The following TRIT1 variants were observed in gnomAD, a reference collection of about 807,000 sequenced individuals.
TRIT1 encodes tRNA dimethylallyltransferase.
Under a neutral mutation model 51.2 loss-of-function variants are expected in TRIT1, and 43 were observed. The observed-to-expected ratio is 0.84, with a 90% CI of 0.66 to 1.08. TRIT1 has a LOEUF of 1.08. TRIT1 is among the 50% of genes least tolerant of loss of function. The pLI, the probability that TRIT1 is intolerant of heterozygous loss-of-function variation, is 0.00. For synonymous variants in TRIT1, 184 were observed against 203.9 expected, an observed-to-expected ratio of 0.90 and a Z score of 0.83; for missense variants, 528 against 578.4, an observed-to-expected ratio of 0.91 and a Z score of 0.89.
At chr1:39,854,828 G>A (rs751723701) in intron 2 of TRIT1, among the ~76,000 whole-genome samples, 2 of 151,814 alleles carry the variant, frequency 1.3e-5, no homozygotes, top group African/African-American at 2.4e-5. Flanking sequence ...GCTTTAAGGC[G>A]GCCTTTGCTC....
intron 1 of TRIT1, chr1:39,862,909 C>T: frequency 5.1e-6 from 5 of 985,446 alleles, no homozygotes; most frequent in Non-Finnish European, 6.0e-6. Flanking sequence ...TGCTCCATTT[C>T]CCCTTCTCCC....
At chr1:39,852,706 G>C in intron 4 of TRIT1, 25 bp downstream of exon 4, 1 of 1,607,722 alleles carries the variant, frequency 6.2e-7, no homozygotes, top group Non-Finnish European at 8.5e-7. Flanking sequence ...AAGGAATTTG[G>C]GGTCAGCGCG....
At position 39,866,017 on chromosome 1, in the gene TRIT1, G is replaced by GA. The variant is rs1339242163; in HGVS notation, c.175-8601dup. On this transcript the variant is annotated intron_variant, in intron 1 of 10. Transcript: ENST00000316891. ...AGGGAGGAAAGAAAGGGAAGGAAAA[G>GA]AAAAGAAAGAAAAGAAAAGAAAAGA... 8.9e-3 allele frequency among the ~76,000 whole-genome samples: 1,209 copies of GA among 135,680 alleles called. 30 individuals carry two copies. Among genetic ancestry groups the GA allele is most frequent in the African/African-American group, 0.03 (1,141 of 38,222 alleles). The allele number at this position is 135,680 out of a possible 152,430, so 89.0% of individuals were successfully genotyped here. A position where few individuals can be genotyped will look rare whatever the true frequency, so the allele number is the denominator to read the frequency against.
At chr1:39,842,677 T>A (rs1023987685) in intron 10 of TRIT1, among the ~76,000 whole-genome samples, 1 of 152,192 alleles carries the variant, frequency 6.6e-6, no homozygotes, top group Admixed American at 6.5e-5. Flanking sequence ...ATTTTCACTA[T>A]CCTGTTCTTT....
At chr1:39,866,093 A>AAAGGAAGAAAGG in intron 1 of TRIT1, among the ~76,000 whole-genome samples, 1 of 147,546 alleles carries the variant, frequency 6.8e-6, no homozygotes, top group African/African-American at 2.5e-5. Flanking sequence ...AGGAAAGAAG[A>AAAGGAAGAAAGG]AAGGAAGGAA....
rs3738671 is a variant in TRIT1, at chr1:39,850,216, A to T, written c.606T>A (p.Phe202Leu). 0.072 allele frequency: 115,591 copies of T among 1,614,036 alleles called. 6,981 individuals carry two copies. Among genetic ancestry groups the T allele is most frequent in the East Asian group, 0.31 (13,966 of 44,880 alleles). Residue 202 changes from phenylalanine to leucine, a missense_variant, in exon 5 of 11, where the codon TTT (phenylalanine) becomes TTA (leucine). Coordinates refer to ENST00000316891, the MANE Select transcript of TRIT1 (RefSeq NM_017646.6). ...CTTCTTCCGTATGTTGACGATGGAGAAATTCACTATGAGAGATTCCTGTTT... is the reference window on the plus strand; with the variant it reads ...CTTCTTCCGTATGTTGACGATGGAGTAATTCACTATGAGAGATTCCTGTTT... ...FEETGISHSE[F>L]LHRQHTEEGG... is the part of the protein sequence containing the mutation.
chr1:39,852,067 T>C (rs940220304), intron 4 of TRIT1, among the ~76,000 whole-genome samples: 4 of 152,120 alleles, frequency 2.6e-5, no homozygotes, highest in African/African-American at 9.7e-5. Flanking sequence ...TTGAGTGGAA[T>C]ACTTCACAAC....
chr1:39,852,660 T>G, intron 4 of TRIT1, 71 bp downstream of exon 4: 1 of 1,548,574 alleles, frequency 6.5e-7, no homozygotes, highest in East Asian at 2.3e-5. Flanking sequence ...TCTCATCATC[T>G]GGGCAAACTG....
chr1:39,846,352 C>T (rs1322885718), intron 8 of TRIT1, among the ~76,000 whole-genome samples: 2 of 152,120 alleles, frequency 1.3e-5, no homozygotes, highest in African/African-American at 4.8e-5. Flanking sequence ...AAGGTAAACA[C>T]AAGATGATTC....
At position 39,859,985 on chromosome 1, in the gene TRIT1, T is replaced by TAG. The variant is rs1479896728; in HGVS notation, c.175-2570_175-2569dup. Among the ~76,000 whole-genome samples, 7 of 152,318 alleles carry TAG rather than the reference T, an allele frequency of 4.6e-5. No homozygotes were observed. The South Asian group carries it at 8.3e-4, about 18-fold the overall frequency. On this transcript the variant is annotated intron_variant, in intron 1 of 10. Transcript: ENST00000316891. ...GTAATCTGCCTTTAGGTGTATCTTC[T>TAG]AGAGGCCCTTAAAATGGTGAGCTTA...
intron 1 of TRIT1, among the ~76,000 whole-genome samples, chr1:39,882,597 C>G (rs540768824): frequency 1.3e-5 from 2 of 152,362 alleles, no homozygotes; most frequent in African/African-American, 4.8e-5. Context: ...AACTTTAAAT[C>G]AGCCATTATG....
intron 4 of TRIT1, 187 bp downstream of exon 4, chr1:39,852,544 G>T: frequency 3.0e-6 from 2 of 662,842 alleles, no homozygotes; most frequent in Non-Finnish European, 5.2e-6. Flanking sequence ...AAAGTAGGCT[G>T]CAATTATTTA....
Sources: gnomAD v4.1 joint callset for allele counts (sites outside exome capture counted in the v4.1 genomes callset) on GRCh38, gnomAD v4.1.1 for gene constraint, MANE v1.5 for transcripts, NCBI Gene and HGNC (gene_info 2026-07-23, HGNC 2026-07-21) for gene names.